ADAMTS17: variants seen among roughly 807,000 people sequenced by gnomAD.
The protein encoded by ADAMTS17 is ADAM metallopeptidase with thrombospondin type 1 motif 17.
Under a neutral mutation model 141.5 loss-of-function variants are expected in ADAMTS17, and 113 were observed. That is an observed-to-expected ratio of 0.80 (90% CI 0.69 to 0.93). The LOEUF (loss-of-function observed/expected upper bound fraction) is 0.93, where lower values mean the gene tolerates loss of function less well. ADAMTS17 is among the 40% of genes least tolerant of loss of function. The probability of loss-of-function intolerance (pLI) is 0.00; values close to 1 mark genes in which losing one functional copy is unlikely to be tolerated. For synonymous variants in ADAMTS17, 768 were observed against 630.6 expected (o/e 1.22, Z -3.27); for missense variants, 1,659 against 1,517.9 (o/e 1.09, Z -1.54).
At chr15:100,118,113 G>A (rs1040363405) in intron 12 of ADAMTS17, among the ~76,000 whole-genome samples, 6 of 152,208 alleles carry the variant, frequency 3.9e-5, no homozygotes, top group African/African-American at 1.4e-4. Context: ...TACTCCAGGG[G>A]TTGAAAACAT....
At chr15:100,310,965 A>G (rs1230978937) in intron 3 of ADAMTS17, among the ~76,000 whole-genome samples, 3 of 152,222 alleles carry the variant, frequency 2.0e-5, no homozygotes, top group South Asian at 2.1e-4. Context: ...TGCAGCTGGA[A>G]AACGCTCAAC....
chr15:100,280,662 A>T (rs2044248812), intron 4 of ADAMTS17, among the ~76,000 whole-genome samples: 1 of 152,178 alleles, frequency 6.6e-6, no homozygotes, highest in African/African-American at 2.4e-5. Flanking sequence ...ACACCTGGGA[A>T]AATGAATGGG....
chr15:100,165,832 C>T (rs34115183), intron 8 of ADAMTS17, among the ~76,000 whole-genome samples: 35 of 152,278 alleles, frequency 2.3e-4, no homozygotes, highest in Non-Finnish European at 2.9e-4. Context: ...CTCTGCCCCC[C>T]CTCAGGACAA....
At chr15:100,102,362 AACCGAAGGGGATCTACATTTGAGGGCCG>A in intron 14 of ADAMTS17, among the ~76,000 whole-genome samples, 1 of 81,376 alleles carries the variant, frequency 1.2e-5, no homozygotes, top group African/African-American at 5.7e-5. Flanking sequence ...TTTGAGGGCC[AACCGAAGGGGATCTACATTTGAGGGCCG>A]ACCGAAGGGG....
chr15:100,133,014 A>T (rs1174999304), intron 11 of ADAMTS17, among the ~76,000 whole-genome samples, 200 bp downstream of exon 11: 1 of 152,238 alleles, frequency 6.6e-6, no homozygotes, highest in Non-Finnish European at 1.5e-5. Flanking sequence ...AGTAAATGAT[A>T]CTTGTATCTT....
In ADAMTS17 at chr15:100,147,552, C is replaced by T. The variant is rs146782528; in HGVS notation, c.1473+5060G>A. 1.9e-3 allele frequency among the ~76,000 whole-genome samples: 293 copies of T among 152,168 alleles called. 1 individual carries two copies. The highest frequency in any genetic ancestry group is 6.2e-3 in the African/African-American group (256 of 41,502). On this transcript the variant is annotated intron_variant, in intron 10 of 21. Coordinates refer to ENST00000268070, the MANE Select transcript of ADAMTS17 (RefSeq NM_139057.4). ...AATGGTATTTTGTGTATCTAAACATCGAAAAGGTATAAAAATACGGTATAA... is the reference window on the plus strand; with the variant it reads ...AATGGTATTTTGTGTATCTAAACATTGAAAAGGTATAAAAATACGGTATAA...
intron 3 of ADAMTS17, among the ~76,000 whole-genome samples, chr15:100,312,867 C>T (rs1005534557): frequency 6.6e-6 from 1 of 152,106 alleles, no homozygotes; most frequent in Admixed American, 6.5e-5. Context: ...TCTAGGGTGA[C>T]CTCCATTAAG....
chr15:100,080,304 C>T (rs1275707131), intron 15 of ADAMTS17, among the ~76,000 whole-genome samples: 1 of 152,190 alleles, frequency 6.6e-6, no homozygotes, highest in East Asian at 1.9e-4. Flanking sequence ...TTTAAGTCAA[C>T]AGGCCAAGAA....
At position 99,993,319 on chromosome 15, in the gene ADAMTS17, A is replaced by C. The variant is rs2060729084; in HGVS notation, c.2797-119T>G. The C allele has an allele frequency of 2.1e-6, 3 of 1,438,404 alleles. No individual in the cohort carries two copies. Among genetic ancestry groups the C allele is most frequent in the Non-Finnish European group, 2.9e-6 (3 of 1,034,466 alleles). The allele number at this position is 1,438,404 out of a possible 1,614,324, so 89.1% of individuals were successfully genotyped here. A position where few individuals can be genotyped will look rare whatever the true frequency, so the allele number is the denominator to read the frequency against. ...GGGGATGATACAAAGATGAAAACCCACACTTCTGTCCTCAAAAAGCTCCTG... is the reference window on the plus strand; with the variant it reads ...GGGGATGATACAAAGATGAAAACCCCCACTTCTGTCCTCAAAAAGCTCCTG... On this transcript the variant is annotated intron_variant, in intron 19 of 21. Transcript: ENST00000268070. This position sits in a 1 kb window ranked among gnomAD's most constrained non-coding sequence, Gnocchi z 4.3.
intron 17 of ADAMTS17, among the ~76,000 whole-genome samples, 168 bp from the exon 18 acceptor site, chr15:100,049,160 G>A (rs776164338): frequency 1.3e-5 from 2 of 152,302 alleles, no homozygotes; most frequent in Admixed American, 6.5e-5. Flanking sequence ...AACTATAATC[G>A]TAGGGAGGAG....
intron 3 of ADAMTS17, among the ~76,000 whole-genome samples, chr15:100,288,115 C>A (rs1279177214): frequency 6.6e-6 from 1 of 152,196 alleles, no homozygotes; most frequent in South Asian, 2.1e-4. Flanking sequence ...TCAAGAGACC[C>A]ATCTCACATG....
At chr15:100,157,236 G>T (rs1243577611) in intron 8 of ADAMTS17, among the ~76,000 whole-genome samples, 1 of 152,132 alleles carries the variant, frequency 6.6e-6, no homozygotes, top group Non-Finnish European at 1.5e-5. Context: ...AATGAGATTT[G>T]GGTGGGGACA....
At chr15:100,210,199 C>A (rs1031692131) in intron 7 of ADAMTS17, among the ~76,000 whole-genome samples, 4 of 138,036 alleles carry the variant, frequency 2.9e-5, no homozygotes, top group African/African-American at 8.3e-5. Context: ...CCACTGCACT[C>A]CAGCCTGGGA....
At chr15:100,154,187 C>T (rs1394113978) in intron 9 of ADAMTS17, among the ~76,000 whole-genome samples, 1 of 152,074 alleles carries the variant, frequency 6.6e-6, no homozygotes, top group Admixed American at 6.6e-5. Flanking sequence ...TCTCAAGAAA[C>T]AAACAAACAA....
intron 8 of ADAMTS17, among the ~76,000 whole-genome samples, chr15:100,162,880 A>G (rs1179843269): frequency 6.8e-6 from 1 of 146,470 alleles, no homozygotes; most frequent in Non-Finnish European, 1.5e-5. Context: ...AACTATATGT[A>G]TATATATGTG....
intron 20 of ADAMTS17, among the ~76,000 whole-genome samples, chr15:99,982,161 A>G (rs2141288326): frequency 6.6e-6 from 1 of 152,348 alleles, no homozygotes; most frequent in South Asian, 2.1e-4. Flanking sequence ...GGGGTCTCAG[A>G]TAGAGTGGAG....
chr15:100,094,044 A>G (rs999770193), intron 15 of ADAMTS17, among the ~76,000 whole-genome samples: 3 of 151,946 alleles, frequency 2.0e-5, no homozygotes, highest in African/African-American at 7.3e-5. Context: ...TACAATCCAC[A>G]TGGATGTGGG....
chr15:100,311,018 T>C (rs1405476920), intron 3 of ADAMTS17, among the ~76,000 whole-genome samples: 1 of 152,226 alleles, frequency 6.6e-6, no homozygotes, highest in Non-Finnish European at 1.5e-5. Context: ...TCTGCTAGGC[T>C]TTTCCATGAG....
At chr15:100,337,347 G>C (rs142002528) in intron 2 of ADAMTS17, among the ~76,000 whole-genome samples, 1 of 152,342 alleles carries the variant, frequency 6.6e-6, no homozygotes, top group East Asian at 1.9e-4. Context: ...TGACCAGTCA[G>C]AGTGAGGTGG....
Sources: allele counts gnomAD v4.1 joint callset (sites outside exome capture counted in the v4.1 genomes callset), GRCh38; gene constraint gnomAD v4.1.1; non-coding constraint Gnocchi (gnomAD v3.1); transcripts MANE v1.5; gene names NCBI Gene and HGNC (gene_info 2026-07-23, HGNC 2026-07-21).